TAFA1: variants seen among roughly 807,000 people sequenced by gnomAD.
TAFA1 encodes chemokine-like protein TAFA-1.
Under a neutral mutation model 18.5 loss-of-function variants are expected in TAFA1, and 4 were observed. The observed-to-expected ratio is 0.22, with a 90% CI of 0.11 to 0.49. TAFA1 has a LOEUF of 0.49. Ranked by LOEUF, TAFA1 falls within the 20% of genes least tolerant of loss-of-function variation. The pLI, the probability that TAFA1 is intolerant of heterozygous loss-of-function variation, is 0.98. For synonymous variants in TAFA1, 56 were observed against 55.2 expected, an observed-to-expected ratio of 1.01 and a Z score of -0.06; for missense variants, 147 against 169.0, an observed-to-expected ratio of 0.87 and a Z score of 0.72.
chr3:68,185,662 C>T (rs950020704), intron 2 of TAFA1, among the ~76,000 whole-genome samples: 1 of 152,016 alleles, frequency 6.6e-6, no homozygotes, highest in African/African-American at 2.4e-5. Context: ...GTAATCCCAG[C>T]ACTTTGGGAG....
At chr3:68,518,799 A>G (rs1304418602) in intron 3 of TAFA1, among the ~76,000 whole-genome samples, 1 of 152,156 alleles carries the variant, frequency 6.6e-6, no homozygotes, top group Non-Finnish European at 1.5e-5. Context: ...AGATAAACCC[A>G]AGTACCACAA....
intron 2 of TAFA1, among the ~76,000 whole-genome samples, chr3:68,025,376 T>G (rs1019185316): frequency 6.6e-6 from 1 of 152,152 alleles, no homozygotes; most frequent in African/African-American, 2.4e-5. Flanking sequence ...AGGGGAAGCC[T>G]AGGGTGGTCT....
At chr3:68,325,283 G>T (rs75099404) in intron 2 of TAFA1, among the ~76,000 whole-genome samples, 3 of 152,158 alleles carry the variant, frequency 2.0e-5, no homozygotes, top group Non-Finnish European at 4.4e-5. Flanking sequence ...GTAGAGCGAC[G>T]TGGTTGGGAG....
At chr3:68,355,514 T>C (rs1353713119) in intron 2 of TAFA1, among the ~76,000 whole-genome samples, 3 of 152,096 alleles carry the variant, frequency 2.0e-5, no homozygotes, top group Middle Eastern at 3.4e-3. Flanking sequence ...ACCTGGCATG[T>C]AGTGAGTGCT....
intron 2 of TAFA1, among the ~76,000 whole-genome samples, chr3:68,193,049 G>T (rs1409247990): frequency 6.6e-6 from 1 of 151,746 alleles, no homozygotes; most frequent in Non-Finnish European, 1.5e-5. Context: ...TTAATAAGAT[G>T]CTGAGCTCCA....
chr3:68,007,969 C>T (rs1208975890), intron 2 of TAFA1, among the ~76,000 whole-genome samples: 1 of 152,234 alleles, frequency 6.6e-6, no homozygotes, highest in Non-Finnish European at 1.5e-5. Context: ...CGCGCGCCTG[C>T]ACCAGGCTGC....
chr3:68,434,582 A>G (rs948377607), intron 3 of TAFA1, among the ~76,000 whole-genome samples: 2 of 152,178 alleles, frequency 1.3e-5, no homozygotes, highest in African/African-American at 4.8e-5. Context: ...AATTTGTTCT[A>G]TCTATGACTT....
chr3:68,408,059 A>G (rs2070644074), intron 2 of TAFA1, among the ~76,000 whole-genome samples: 1 of 152,184 alleles, frequency 6.6e-6, no homozygotes, highest in Non-Finnish European at 1.5e-5. Flanking sequence ...GATGAATTCC[A>G]AAAAAGCTAC....
At chr3:68,437,195 A>G (rs2071280856) in intron 3 of TAFA1, among the ~76,000 whole-genome samples, 1 of 152,210 alleles carries the variant, frequency 6.6e-6, no homozygotes, top group African/African-American at 2.4e-5. Context: ...CAATGCAAAG[A>G]GGGAAACAAG....
At chr3:68,445,624 T>C (rs1418091154) in intron 3 of TAFA1, among the ~76,000 whole-genome samples, 1 of 152,128 alleles carries the variant, frequency 6.6e-6, no homozygotes, top group Non-Finnish European at 1.5e-5. Flanking sequence ...TTGGATAAGA[T>C]GTAAGACCCC....
intron 2 of TAFA1, among the ~76,000 whole-genome samples, chr3:68,104,398 A>T (rs1254876339): frequency 6.6e-6 from 1 of 152,064 alleles, no homozygotes; most frequent in East Asian, 1.9e-4. Flanking sequence ...ATTAACAGAA[A>T]AATTTATTAC....
Position 68,348,993 on chromosome 3 carries a change from C to G in TAFA1, c.119-68287C>G, listed in dbSNP as rs1051522044. Among the ~76,000 whole-genome samples, 4 of 151,638 alleles carry G rather than the reference C, an allele frequency of 2.6e-5. No homozygotes were observed. The East Asian group carries it at 7.8e-4, about 30-fold the overall frequency. ...TTTGCTTCTAAAACAAACTGGTTTT[C>G]TTATGCTAAAACCTTGTTACAAAGC... On this transcript the variant is annotated intron_variant, in intron 2 of 4. Coordinates refer to ENST00000478136, the MANE Select transcript of TAFA1 (RefSeq NM_213609.4).
intron 3 of TAFA1, among the ~76,000 whole-genome samples, chr3:68,429,894 C>A (rs1485088231): frequency 1.3e-5 from 2 of 151,928 alleles, no homozygotes; most frequent in African/African-American, 4.8e-5. Flanking sequence ...TCATAACTCA[C>A]TGTAATGTAC....
At chr3:68,157,414 C>T (rs539781381) in intron 2 of TAFA1, among the ~76,000 whole-genome samples, 95 of 152,244 alleles carry the variant, frequency 6.2e-4, no homozygotes, top group Non-Finnish European at 1.2e-4. Flanking sequence ...ACTGGAAACT[C>T]ATTTCTCCCA....
chr3:68,240,342 AG>A (rs1437258107), intron 2 of TAFA1, among the ~76,000 whole-genome samples: 1 of 152,174 alleles, frequency 6.6e-6, no homozygotes, highest in Admixed American at 6.5e-5. Flanking sequence ...CTGGGGGCAA[AG>A]AATGTCATCT....
chr3:68,079,909 G>C (rs1174155857), intron 2 of TAFA1, among the ~76,000 whole-genome samples: 3 of 151,856 alleles, frequency 2.0e-5, no homozygotes, highest in Non-Finnish European at 4.4e-5. Context: ...TGTTGACAGT[G>C]GGGTGTTAAA....
intron 2 of TAFA1, among the ~76,000 whole-genome samples, chr3:68,308,721 G>C (rs1293108225): frequency 6.6e-6 from 1 of 151,910 alleles, no homozygotes; most frequent in Non-Finnish European, 1.5e-5. Context: ...CATTTATTTT[G>C]ATCATATGCT....
chr3:68,455,440 T>C (rs540500554), intron 3 of TAFA1, among the ~76,000 whole-genome samples: 5 of 152,308 alleles, frequency 3.3e-5, no homozygotes, highest in Admixed American at 2.0e-4. Context: ...ACCCACGTTA[T>C]AAAAGAAGTC....
chr3:68,035,465 C>A (rs1315992943), intron 2 of TAFA1, among the ~76,000 whole-genome samples: 1 of 152,046 alleles, frequency 6.6e-6, no homozygotes. Context: ...TGATTATTAT[C>A]TGTTTAAGAT....
Sources: allele counts gnomAD v4.1 joint callset (sites outside exome capture counted in the v4.1 genomes callset), GRCh38; gene constraint gnomAD v4.1.1; transcripts MANE v1.5; gene names NCBI Gene and HGNC (gene_info 2026-07-23, HGNC 2026-07-21).